Variants in PLAGL1 observed in about 807,000 individuals in gnomAD.
PLAGL1 encodes PLAG1 like zinc finger 1.
A neutral mutation model predicts 4.6 loss-of-function variants in PLAGL1; 1 was observed. That is an observed-to-expected ratio of 0.22 (90% CI 0.08 to 1.03). PLAGL1 has a LOEUF of 1.03. Ranked by LOEUF, PLAGL1 falls within the 50% of genes least tolerant of loss-of-function variation. The probability of loss-of-function intolerance (pLI) is 0.58; values close to 1 mark genes in which losing one functional copy is unlikely to be tolerated. For missense variants in PLAGL1, 464 were observed against 570.4 expected, an observed-to-expected ratio of 0.81 and a Z score of 1.90; for synonymous variants, 240 against 237.8, an observed-to-expected ratio of 1.01 and a Z score of -0.08.
intron 1 of PLAGL1, among the ~76,000 whole-genome samples, chr6:143,991,966 C>T (rs974141196): frequency 1.3e-5 from 2 of 152,208 alleles, no homozygotes; most frequent in African/African-American, 4.8e-5. Flanking sequence ...TCTCCAGTGC[C>T]ATGTTCTAGA....
rs1011228779 is a variant in PLAGL1, at chr6:143,952,120, CA to C, written c.-324-3661del. 3.2e-4 allele frequency among the ~76,000 whole-genome samples: 48 copies of C among 152,286 alleles called. No individual in the cohort carries two copies. The highest frequency in any genetic ancestry group is 1.1e-3 in the African/African-American group (45 of 41,570). On this transcript the variant is annotated intron_variant, in intron 6 of 7. Transcript: ENST00000674357. This position sits in a 1 kb window ranked among gnomAD's most constrained non-coding sequence, Gnocchi z 6.1. ...AGCTATTAAAAAACGACAACAACAA[CA>C]ACAACAACTGTGGGTATATACAACA...
rs1786429255 is a variant in PLAGL1 at position 143,975,973 on chromosome 6, T to G, written c.-543-6995A>C. On this transcript the variant is annotated intron_variant, in intron 2 of 7. Coordinates refer to ENST00000674357, the MANE Select transcript of PLAGL1 (RefSeq NM_001317162.2). This position sits in a 1 kb window ranked among gnomAD's most constrained non-coding sequence, Gnocchi z 5.8. ...TGTTTTCAAAGAACTAACACATATC[T>G]TACTTCGTTGACCCTCACATTACTA... 6.6e-6 allele frequency among the ~76,000 whole-genome samples: 1 copy of G among 152,226 alleles called. No individual in the cohort carries two copies. Among genetic ancestry groups the G allele is most frequent in the Non-Finnish European group, 1.5e-5 (1 of 68,042 alleles).
At chr6:144,023,606 A>C (rs1428364162) in intron 1 of PLAGL1, among the ~76,000 whole-genome samples, 1 of 152,094 alleles carries the variant, frequency 6.6e-6, no homozygotes, top group Non-Finnish European at 1.5e-5. Context: ...TTCCAAAACC[A>C]CAGTCCATGC....
intron 2 of PLAGL1, among the ~76,000 whole-genome samples, chr6:143,976,450 G>T (rs542957061): frequency 5.3e-5 from 8 of 151,900 alleles, no homozygotes; most frequent in African/African-American, 1.2e-4. Context: ...AGCCACTCTT[G>T]TTTGACTTAA....
chr6:144,001,751 T>C (rs1461404983), intron 1 of PLAGL1, among the ~76,000 whole-genome samples: 1 of 152,170 alleles, frequency 6.6e-6, no homozygotes, highest in Non-Finnish European at 1.5e-5. Context: ...TATGCTGCCA[T>C]ATGTGATACA....
At position 144,048,372 on chromosome 6, in the gene PLAGL1, C is replaced by T. The variant is rs1435318219; in HGVS notation, c.-151+16096G>A. Among the ~76,000 whole-genome samples, 1 of 152,198 alleles carries T rather than the reference C, an allele frequency of 6.6e-6. No individual in the cohort carries two copies. The highest frequency in any genetic ancestry group is 1.5e-5 in the Non-Finnish European group (1 of 68,028). ...GGACTCTGTGTGGGGGCTCCAACCC[C>T]ACATTTTCCTCCTGGACTACGCTAG... On this transcript the variant is annotated intron_variant, in intron 1 of 3. Transcript: ENST00000437412. This position sits in a 1 kb window ranked among gnomAD's most constrained non-coding sequence, Gnocchi z 4.8.
At chr6:144,020,827 TATATA>T (rs1000881703) in intron 1 of PLAGL1, among the ~76,000 whole-genome samples, 96 of 145,796 alleles carry the variant, frequency 6.6e-4, no homozygotes, top group South Asian at 1.1e-3. Context: ...TATTATATTA[TATATA>T]ATATAATATA....
rs932211887 is a variant in PLAGL1, at chr6:143,942,142, A to C, written c.674T>G (p.Phe225Cys). Residue 225 changes from phenylalanine (F) to cysteine (C), a missense_variant, in exon 8 of 8, where the codon TTC (phenylalanine) becomes TGC (cysteine). Transcript: ENST00000674357. This position sits in a 1 kb window ranked among gnomAD's most constrained non-coding sequence, Gnocchi z 7.6. ...SLQTGDLLSTFHTISPSFQLK... is the reference protein window; with the variant it reads ...SLQTGDLLSTCHTISPSFQLK... ...TTGGAATGAAGGCGAGATGGTGTGG[A>C]AGGTGCTCAGAAGGTCTCCGGTCTG... 1.2e-5 allele frequency: 20 copies of C among 1,613,994 alleles called. No individual in the cohort carries two copies. The highest frequency in any genetic ancestry group is 1.7e-5 in the Non-Finnish European group (20 of 1,180,010).
intron 1 of PLAGL1, among the ~76,000 whole-genome samples, chr6:144,054,774 AGAGTGT>A (rs1798831011): frequency 3.0e-5 from 3 of 100,268 alleles, no homozygotes; most frequent in Admixed American, 2.4e-4. Flanking sequence ...AAACTAAAAA[AGAGTGT>A]GTGTGTGTGT....
At chr6:144,044,078 A>G (rs1490866342) in intron 1 of PLAGL1, among the ~76,000 whole-genome samples, 1 of 151,758 alleles carries the variant, frequency 6.6e-6, no homozygotes, top group Admixed American at 6.6e-5. Flanking sequence ...TTTCTTCTTT[A>G]TTAGCCTTGC....
rs1791500456 is a variant in PLAGL1 at position 143,995,887 on chromosome 6, A to G, written c.-583-10713T>C. On this transcript the variant is annotated intron_variant, in intron 1 of 7. Transcript: ENST00000674357. This position sits in a 1 kb window ranked among gnomAD's most constrained non-coding sequence, Gnocchi z 4.4. ...ATAAAATACCTACATTACTGGCTAT[A>G]TTAATGGTGGCCAGCCATAAAGTTA... is the stretch of plus-strand genomic sequence containing the variant. 6.6e-6 allele frequency among the ~76,000 whole-genome samples: 1 copy of G among 152,232 alleles called. No homozygotes were observed. The highest frequency in any genetic ancestry group is 2.1e-4 in the South Asian group (1 of 4,830).
chr6:144,029,091 A>G (rs1796597169), intron 1 of PLAGL1, among the ~76,000 whole-genome samples: 3 of 152,308 alleles, frequency 2.0e-5, no homozygotes, highest in African/African-American at 4.8e-5. Flanking sequence ...TACGAGTTGC[A>G]TAATAATCTA....
chr6:144,055,864 C>T lies in PLAGL1; in HGVS notation c.-151+8604G>A, dbSNP rs546882662. 9.2e-5 allele frequency among the ~76,000 whole-genome samples: 14 copies of T among 152,314 alleles called. No homozygotes were observed. Among genetic ancestry groups the T allele is most frequent in the African/African-American group, 3.4e-4 (14 of 41,560 alleles). On this transcript the variant is annotated intron_variant, in intron 1 of 3. Coordinates refer to the PLAGL1 transcript ENST00000437412. This position sits in a 1 kb window ranked among gnomAD's most constrained non-coding sequence, Gnocchi z 5.0. The stretch of plus-strand genomic sequence containing the variant: ...TCTTTGGGTACTACATTCACACACA[C>T]AGAGAGATTCATGTTCCACCTACAT...
chr6:144,024,219 G>C (rs771085190), intron 1 of PLAGL1, among the ~76,000 whole-genome samples: 3 of 152,138 alleles, frequency 2.0e-5, no homozygotes, highest in Non-Finnish European at 2.9e-5. Flanking sequence ...GAACACACCT[G>C]GTCAGATTTT....
At position 144,013,701 on chromosome 6, in the gene PLAGL1, A is replaced by T. The variant is rs777818742; in HGVS notation, c.-150-44723T>A. ...GGCTTCCTTGGCTTGCGGCCACAGC[A>T]TGCCAATCTCTGCCTCCATCTTCAC... On this transcript the variant is annotated intron_variant, in intron 1 of 3. Transcript: ENST00000437412. This position sits in a 1 kb window ranked among gnomAD's most constrained non-coding sequence, Gnocchi z 4.4. Among the ~76,000 whole-genome samples, 2 of 152,166 alleles carry T rather than the reference A, an allele frequency of 1.3e-5. No homozygotes were observed. Among genetic ancestry groups the T allele is most frequent in the Non-Finnish European group, 2.9e-5 (2 of 68,016 alleles).
In PLAGL1 at chr6:143,941,502, G is replaced by A; in HGVS notation, c.1314C>T (p.Pro438=). 2 of 1,530,122 alleles carry A rather than the reference G, an allele frequency of 1.3e-6. No homozygotes were observed. Among genetic ancestry groups the A allele is most frequent in the South Asian group, 2.6e-5 (2 of 76,570 alleles). The allele number at this position is 1,530,122 out of a possible 1,614,324, so 94.8% of individuals were successfully genotyped here. ...AMGTVSLGQL[P]LPPIPHVFSA... Reference sequence around the variant, plus strand: ...AGAACACATGAGGGATGGGGGGCAGGGGGAGCTGGCCCAGGCTCACAGTGC... The same window carrying A: ...AGAACACATGAGGGATGGGGGGCAGAGGGAGCTGGCCCAGGCTCACAGTGC... The change falls in exon 8 of 8, where the codon CCC becomes CCT. Residue 438 remains proline (P), a synonymous_variant. Coordinates refer to ENST00000674357, the MANE Select transcript of PLAGL1 (RefSeq NM_001317162.2). The surrounding 1 kb of genome is among the most constrained non-coding windows in gnomAD (Gnocchi z 6.0).
chr6:143,961,574 G>A lies in PLAGL1; in HGVS notation c.-398-1032C>T, dbSNP rs1399398013. Among the ~76,000 whole-genome samples, 2 of 152,158 alleles carry A rather than the reference G, an allele frequency of 1.3e-5. No individual in the cohort carries two copies. The highest frequency in any genetic ancestry group is 3.8e-4 in the East Asian group (2 of 5,204). Reference sequence around the variant, plus strand: ...ACAGGAAAATACTGGAGGTGAGCAGGTTATTTGCCTGAGTCATTTAGGGAA... The same window carrying A: ...ACAGGAAAATACTGGAGGTGAGCAGATTATTTGCCTGAGTCATTTAGGGAA... On this transcript the variant is annotated intron_variant, in intron 5 of 7. Coordinates refer to ENST00000674357, the MANE Select transcript of PLAGL1 (RefSeq NM_001317162.2). This position sits in a 1 kb window ranked among gnomAD's most constrained non-coding sequence, Gnocchi z 6.5.
At chr6:143,986,655 A>C (rs1301852195) in intron 1 of PLAGL1, among the ~76,000 whole-genome samples, 1 of 152,218 alleles carries the variant, frequency 6.6e-6, no homozygotes, top group African/African-American at 2.4e-5. Context: ...CTATTGTGAC[A>C]AACTTTCTGT....
Position 143,941,357 on chromosome 6 carries a change from G to C in PLAGL1, c.*67C>G, listed in dbSNP as rs1472823253. ...TCGTTTTCCAAATCTTTCTCATATT[G>C]TAACTGACATTTAAAATGCTTCTTA... On this transcript the variant is annotated 3_prime_UTR_variant, in exon 8 of 8. Transcript: ENST00000674357. The surrounding 1 kb of genome is among the most constrained non-coding windows in gnomAD (Gnocchi z 6.0). 1 of 1,250,514 alleles carries C rather than the reference G, an allele frequency of 8.0e-7. No individual in the cohort carries two copies. Among genetic ancestry groups the C allele is most frequent in the Non-Finnish European group, 1.1e-6 (1 of 915,752 alleles). The allele number at this position is 1,250,514 out of a possible 1,614,324, so 77.5% of individuals were successfully genotyped here.
Sources: gnomAD v4.1 joint callset for allele counts (sites outside exome capture counted in the v4.1 genomes callset) on GRCh38, gnomAD v4.1.1 for gene constraint, Gnocchi (gnomAD v3.1) non-coding constraint, MANE v1.5 for transcripts, NCBI Gene and HGNC (gene_info 2026-07-23, HGNC 2026-07-21) for gene names.